Variants in GRIN2B observed in about 807,000 individuals in gnomAD.
The protein encoded by GRIN2B is glutamate receptor ionotropic, NMDA 2B.
A neutral mutation model predicts 114.5 loss-of-function variants in GRIN2B; 5 were observed. The observed-to-expected ratio is 0.04, with a 90% CI of 0.02 to 0.09. The LOEUF is 0.09. Ranked by LOEUF, GRIN2B falls within the 10% of genes least tolerant of loss-of-function variation. The pLI is 1.00. For synonymous variants in GRIN2B, 787 were observed against 745.1 expected, an observed-to-expected ratio of 1.06 and a Z score of -0.92; for missense variants, 1,108 against 1,943.5, an observed-to-expected ratio of 0.57 and a Z score of 8.08.
intron 2 of GRIN2B, among the ~76,000 whole-genome samples, chr12:13,902,292 T>C (rs888002346): frequency 1.3e-5 from 2 of 152,216 alleles, no homozygotes; most frequent in African/African-American, 4.8e-5. Flanking sequence ...CGCATATTAA[T>C]TTCAATTAAA....
intron 4 of GRIN2B, among the ~76,000 whole-genome samples, chr12:13,680,205 C>T (rs1021934115): frequency 2.0e-5 from 3 of 151,920 alleles, no homozygotes; most frequent in Admixed American, 6.6e-5. Context: ...ATCCAACTAC[C>T]CTTGGATCTG....
intron 4 of GRIN2B, among the ~76,000 whole-genome samples, chr12:13,691,647 CAGT>C: frequency 6.6e-6 from 1 of 152,128 alleles, no homozygotes; most frequent in African/African-American, 2.4e-5. Flanking sequence ...TGAAGAAATA[CAGT>C]GTTTGATGTC....
At chr12:13,813,930 T>C (rs905118040) in intron 3 of GRIN2B, among the ~76,000 whole-genome samples, 1 of 152,240 alleles carries the variant, frequency 6.6e-6, no homozygotes, top group African/African-American at 2.4e-5. Context: ...TAATAGTCTG[T>C]ATGCTTCTGT....
intron 5 of GRIN2B, among the ~76,000 whole-genome samples, chr12:13,617,876 T>G (rs2136483289): frequency 6.6e-6 from 1 of 152,300 alleles, no homozygotes; most frequent in South Asian, 2.1e-4. Flanking sequence ...TCCTTCTTGG[T>G]TTCTTTGTCC....
At chr12:13,570,338 A>AAAAGT (rs1355448745) in intron 11 of GRIN2B, among the ~76,000 whole-genome samples, 1 of 152,266 alleles carries the variant, frequency 6.6e-6, no homozygotes, top group Non-Finnish European at 1.5e-5. Flanking sequence ...AGAAATAATG[A>AAAAGT]AAAGTAACCA....
intron 5 of GRIN2B, 99 bp from the exon 6 acceptor site, chr12:13,616,756 A>G: frequency 1.1e-6 from 1 of 927,666 alleles, no homozygotes; most frequent in Non-Finnish European, 1.8e-6. Context: ...GCAGTTGAAC[A>G]AAAGCCAACA....
At chr12:13,655,051 G>C (rs1324578984) in intron 5 of GRIN2B, among the ~76,000 whole-genome samples, 1 of 152,118 alleles carries the variant, frequency 6.6e-6, no homozygotes, top group Admixed American at 6.5e-5. Flanking sequence ...ATGAGTAAAA[G>C]AAGTGAATTA....
chr12:13,849,259 G>C (rs1034958074), intron 3 of GRIN2B, among the ~76,000 whole-genome samples: 2 of 151,836 alleles, frequency 1.3e-5, no homozygotes, highest in African/African-American at 2.4e-5. Flanking sequence ...CTTGAGTCCT[G>C]CTACTCAGCC....
intron 3 of GRIN2B, among the ~76,000 whole-genome samples, chr12:13,827,391 C>T (rs2136699455): frequency 6.6e-6 from 1 of 151,602 alleles, no homozygotes; most frequent in Non-Finnish European, 1.5e-5. Flanking sequence ...TTGCTTTTCC[C>T]TTCTGGGTCT....
At chr12:13,903,170 T>G (rs1328977106) in intron 2 of GRIN2B, among the ~76,000 whole-genome samples, 2 of 152,146 alleles carry the variant, frequency 1.3e-5, no homozygotes, top group Admixed American at 6.5e-5. Flanking sequence ...TGTAAATGTA[T>G]AAGTTTAAAA....
At chr12:13,695,072 G>A (rs1017796519) in intron 4 of GRIN2B, among the ~76,000 whole-genome samples, 1 of 152,042 alleles carries the variant, frequency 6.6e-6, no homozygotes. Flanking sequence ...AAGCTGCAAA[G>A]GGATCTCTAA....
chr12:13,849,690 C>A (rs188495285), intron 3 of GRIN2B, among the ~76,000 whole-genome samples: 3 of 152,250 alleles, frequency 2.0e-5, no homozygotes, highest in East Asian at 3.9e-4. Context: ...TCTCACTCAT[C>A]CATCCCACCT....
chr12:13,846,313 C>T (rs528398856), intron 3 of GRIN2B, among the ~76,000 whole-genome samples: 10 of 152,292 alleles, frequency 6.6e-5, no homozygotes, highest in East Asian at 3.9e-4. Context: ...GCATACCATC[C>T]GCTACATTGC....
chr12:13,680,434 G>C (rs1950117220), intron 4 of GRIN2B, among the ~76,000 whole-genome samples: 1 of 122,570 alleles, frequency 8.2e-6, no homozygotes, highest in African/African-American at 3.0e-5. Context: ...GTCCCATCAA[G>C]GTTGTGTGTG....
chr12:13,601,212 G>T (rs1949154297), intron 10 of GRIN2B, among the ~76,000 whole-genome samples: 1 of 152,212 alleles, frequency 6.6e-6, no homozygotes, highest in Admixed American at 6.5e-5. Context: ...TTCTCACATA[G>T]TTCTGAAGGC....
At chr12:13,792,187 C>A (rs1174169525) in intron 3 of GRIN2B, among the ~76,000 whole-genome samples, 1 of 152,234 alleles carries the variant, frequency 6.6e-6, no homozygotes, top group East Asian at 1.9e-4. Context: ...CCAGCTTAAG[C>A]CAGTGCCAGC....
intron 3 of GRIN2B, among the ~76,000 whole-genome samples, chr12:13,778,231 A>G (rs1303773057): frequency 1.3e-5 from 2 of 152,172 alleles, no homozygotes; most frequent in South Asian, 4.1e-4. Context: ...TATATCAAGA[A>G]CAGCTTCTCC....
intron 5 of GRIN2B, among the ~76,000 whole-genome samples, chr12:13,627,023 C>T (rs1317271475): frequency 1.3e-5 from 2 of 151,830 alleles, no homozygotes; most frequent in African/African-American, 4.8e-5. Context: ...TGGTAGGACC[C>T]AGGAGAATGT....
chr12:13,652,699 G>C (rs10845819), intron 5 of GRIN2B, among the ~76,000 whole-genome samples: 52,475 of 152,064 alleles, frequency 0.35, 10,625 homozygotes, highest in East Asian at 0.8. Flanking sequence ...TTTCAGAAAG[G>C]AGACACAAAT....
Sources: allele counts gnomAD v4.1 joint callset (sites outside exome capture counted in the v4.1 genomes callset), GRCh38; gene constraint gnomAD v4.1.1; transcripts MANE v1.5; gene names NCBI Gene and HGNC (gene_info 2026-07-23, HGNC 2026-07-21).